DNAH11: variants seen among roughly 807,000 people sequenced by gnomAD.
DNAH11 encodes the protein dynein axonemal heavy chain 11.
DNAH11 carries 442 observed loss-of-function variants against 526.0 expected under a neutral mutation model. The observed-to-expected ratio is 0.84, with a 90% CI of 0.78 to 0.91. The LOEUF (loss-of-function observed/expected upper bound fraction) is 0.91. Among genes scored for constraint, DNAH11 ranks in the 40% least tolerant of loss-of-function variants. DNAH11 has a pLI of 0.00. For synonymous variants in DNAH11, 2,461 were observed against 1,935.9 expected (o/e 1.27, Z -7.12); for missense variants, 6,989 against 5,448.7 (o/e 1.28, Z -8.90).
chr7:21,790,278 C>G (rs996627461), intron 61 of DNAH11, among the ~76,000 whole-genome samples: 3 of 151,978 alleles, frequency 2.0e-5, no homozygotes, highest in African/African-American at 7.2e-5. Flanking sequence ...AACCCCGTCA[C>G]TACTAAAAAT....
At chr7:21,710,833 T>C (rs76048703) in intron 41 of DNAH11, 130 bp downstream of exon 41, 1 of 909,602 alleles carries the variant, frequency 1.1e-6, no homozygotes, top group African/African-American at 1.7e-5. Context: ...ATTATTTTGA[T>C]AAGTGTTGCT....
At chr7:21,863,594 G>A (rs189364252) in intron 69 of DNAH11, among the ~76,000 whole-genome samples, 1 of 152,072 alleles carries the variant, frequency 6.6e-6, no homozygotes. Context: ...CGAAAGTGCT[G>A]GGATTACAGG....
rs1158889441 is a variant in DNAH11, at chr7:21,658,958, C to T, written c.5255C>T (p.Thr1752Ile). The T allele has an allele frequency of 1.2e-6, 2 of 1,610,768 alleles. No homozygotes were observed. Among genetic ancestry groups the T allele is most frequent in the Admixed American group, 1.7e-5 (1 of 59,570 alleles). ...ACCAGCTCACAAATATGGTGGACCA[C>T]AGATGTAGGAATAGCCTTCAGTAGA... ...ALTSSQIWWT[T>I]DVGIAFSRLE... Residue 1752 changes from threonine (T) to isoleucine (I), a missense_variant, in exon 30 of 82, where the codon ACA (threonine) becomes ATA (isoleucine). Transcript: ENST00000409508.
intron 51 of DNAH11, among the ~76,000 whole-genome samples, chr7:21,745,813 T>C (rs909316196): frequency 2.6e-5 from 4 of 152,206 alleles, no homozygotes; most frequent in African/African-American, 9.7e-5. Context: ...AAAGAGGGAC[T>C]GGGCATCCCT....
intron 30 of DNAH11, among the ~76,000 whole-genome samples, chr7:21,666,102 C>G (rs1287187034): frequency 6.6e-6 from 1 of 152,044 alleles, no homozygotes; most frequent in Non-Finnish European, 1.5e-5. Flanking sequence ...TAATTCCTTT[C>G]AGTAATTCCT....
intron 25 of DNAH11, among the ~76,000 whole-genome samples, chr7:21,632,038 G>T (rs949325971): frequency 1.3e-5 from 2 of 152,216 alleles, no homozygotes; most frequent in African/African-American, 4.8e-5. Context: ...CCACACCTCA[G>T]TTCTTGACTT....
At chr7:21,832,468 C>A (rs1361423398) in intron 65 of DNAH11, among the ~76,000 whole-genome samples, 2 of 152,128 alleles carry the variant, frequency 1.3e-5, no homozygotes, top group African/African-American at 4.8e-5. Flanking sequence ...AAATATTCCT[C>A]CATCCCTTTA....
chr7:21,816,676 G>A lies in DNAH11; in HGVS notation c.10542G>A (p.Leu3514=). The A allele has an allele frequency of 6.2e-7, 1 of 1,613,596 alleles. No homozygotes were observed. Among genetic ancestry groups the A allele is most frequent in the Non-Finnish European group, 8.5e-7 (1 of 1,179,728 alleles). ...TCAAGAATAAGTATGGAATGGACCTGAAAGTCACACATTTGGGCCAGAAAG... is the reference window on the plus strand; with the variant it reads ...TCAAGAATAAGTATGGAATGGACCTAAAAGTCACACATTTGGGCCAGAAAG... ...KWIKNKYGMD[L]KVTHLGQKGF... The change falls in exon 64 of 82, where the codon CTG becomes CTA. Residue 3514 remains leucine (L), a synonymous_variant. Coordinates refer to ENST00000409508, the MANE Select transcript of DNAH11 (RefSeq NM_001277115.2).
intron 61 of DNAH11, among the ~76,000 whole-genome samples, chr7:21,797,567 T>C (rs1417743457): frequency 6.7e-6 from 1 of 148,696 alleles, no homozygotes; most frequent in East Asian, 1.9e-4. Flanking sequence ...TTTATGTTTA[T>C]ATTAACTGTA....
chr7:21,575,776 A>G (rs1247135366), intron 8 of DNAH11, among the ~76,000 whole-genome samples: 1 of 152,118 alleles, frequency 6.6e-6, no homozygotes, highest in Non-Finnish European at 1.5e-5. Context: ...GCATATACAT[A>G]TATTTATTCC....
At chr7:21,649,957 G>A (rs962274776) in intron 28 of DNAH11, among the ~76,000 whole-genome samples, 2 of 152,088 alleles carry the variant, frequency 1.3e-5, no homozygotes, top group Admixed American at 6.6e-5. Context: ...GAGCCCCCAT[G>A]CCCAGCGACT....
chr7:21,772,091 CAG>C (rs1220410537), intron 55 of DNAH11, among the ~76,000 whole-genome samples: 1 of 152,174 alleles, frequency 6.6e-6, no homozygotes, highest in African/African-American at 2.4e-5. Flanking sequence ...TTCTGAAAAA[CAG>C]TGTGAATTAC....
intron 35 of DNAH11, 112 bp downstream of exon 35, chr7:21,690,993 A>G (rs981278531): frequency 1.6e-5 from 12 of 754,696 alleles, no homozygotes; most frequent in Middle Eastern, 2.3e-4. Context: ...GGAAAATCCT[A>G]TATGATTTCC....
Position 21,866,603 on chromosome 7 carries a change from T to A in DNAH11, c.11630T>A (p.Leu3877Ter), listed in dbSNP as rs1488477062. Residue 3877 changes from leucine to a stop codon, truncating the protein, a stop_gained, in exon 71 of 82, where the codon TTA (leucine) becomes TAA (stop). Transcript: ENST00000409508. LOFTEE classifies it high-confidence loss of function. ...KLPQEWKKKS[L>*]IQKLILLRAM... The stretch of plus-strand genomic sequence containing the variant: ...CCTCAAGAATGGAAGAAGAAAAGTT[T>A]AATACAGAAGCTGATTCTTCTGAGA... 6.2e-7 allele frequency: 1 copy of A among 1,613,778 alleles called. No homozygotes were observed. The highest frequency in any genetic ancestry group is 8.5e-7 in the Non-Finnish European group (1 of 1,179,850).
intron 14 of DNAH11, among the ~76,000 whole-genome samples, chr7:21,596,424 A>G (rs771010164): frequency 2.0e-5 from 3 of 152,218 alleles, no homozygotes; most frequent in African/African-American, 7.2e-5. Flanking sequence ...TTTCAGCAGT[A>G]TCTTAACTAA....
chr7:21,900,003 A>G lies in DNAH11; in HGVS notation c.13186A>G (p.Lys4396Glu). 1 of 1,614,008 alleles carries G rather than the reference A, an allele frequency of 6.2e-7. No homozygotes were observed. The highest frequency in any genetic ancestry group is 8.5e-7 in the Non-Finnish European group (1 of 1,179,876). ...LTAIMQTMAR[K>E]NEWPLDKTRL... ...AGCAATCATGCAGACGATGGCTCGA[A>G]AAAATGAGTGGCCCCTGGATAAAAC... The change falls in exon 81 of 82, where the codon AAA (lysine) becomes GAA (glutamate). Residue 4396 changes from lysine (K) to glutamate (E), a missense_variant. Physicochemically the swap from Lys to Glu is moderately conservative, Grantham distance 56. Coordinates refer to ENST00000409508, the MANE Select transcript of DNAH11 (RefSeq NM_001277115.2).
intron 52 of DNAH11, among the ~76,000 whole-genome samples, chr7:21,749,053 T>C (rs1047530728): frequency 6.6e-6 from 1 of 152,176 alleles, no homozygotes; most frequent in Non-Finnish European, 1.5e-5. Flanking sequence ...TGATGCGTAT[T>C]GCTGTTAGTG....
intron 65 of DNAH11, among the ~76,000 whole-genome samples, chr7:21,840,499 C>T (rs1782164729): frequency 6.6e-6 from 1 of 152,110 alleles, no homozygotes; most frequent in Non-Finnish European, 1.5e-5. Flanking sequence ...TTTGCTGCAG[C>T]CATGCCTCTA....
At position 21,589,314 on chromosome 7, in the gene DNAH11, G is replaced by T. The variant is rs1369744262; in HGVS notation, c.2080G>T (p.Val694Leu). 2 of 1,611,134 alleles carry T rather than the reference G, an allele frequency of 1.2e-6. No homozygotes were observed. The highest frequency in any genetic ancestry group is 2.2e-5 in the East Asian group (1 of 44,668). The part of the protein sequence containing the change: ...SRIYNEWKSN[V>L]DEICEFNLNQ... Reference sequence around the variant, plus strand: ...TATCTATAATGAATGGAAAAGTAATGTGGATGAAATCTGTGAATTCAATTT... The same window carrying T: ...TATCTATAATGAATGGAAAAGTAATTTGGATGAAATCTGTGAATTCAATTT... The change falls in exon 12 of 82, where the codon GTG becomes TTG. Residue 694 changes from valine to leucine, a missense_variant. Physicochemically the swap from Val to Leu is conservative, Grantham distance 32. Transcript: ENST00000409508.
Sources: allele counts gnomAD v4.1 joint callset (sites outside exome capture counted in the v4.1 genomes callset), GRCh38; gene constraint gnomAD v4.1.1; transcripts MANE v1.5; gene names NCBI Gene and HGNC (gene_info 2026-07-23, HGNC 2026-07-21).